PPM1L: variants seen among roughly 807,000 people sequenced by gnomAD.
The protein encoded by PPM1L is protein phosphatase, Mg2+/Mn2+ dependent 1L.
PPM1L carries 13 observed loss-of-function variants against 31.4 expected under a neutral mutation model. That is an observed-to-expected ratio of 0.41 (90% CI 0.27 to 0.66). PPM1L has a LOEUF of 0.66. PPM1L is among the 30% of genes least tolerant of loss of function. The pLI is 0.29. For missense variants in PPM1L, 326 were observed against 453.7 expected (o/e 0.72, Z 2.56); for synonymous variants, 184 against 175.4 (o/e 1.05, Z -0.39).
chr3:160,824,157 A>T (rs1713287944), intron 1 of PPM1L, among the ~76,000 whole-genome samples: 1 of 152,086 alleles, frequency 6.6e-6, no homozygotes, highest in Non-Finnish European at 1.5e-5. Flanking sequence ...TGGAACTGTC[A>T]TGAATGGGAT....
chr3:160,991,270 T>A (rs1345435110), intron 2 of PPM1L, among the ~76,000 whole-genome samples: 1 of 152,192 alleles, frequency 6.6e-6, no homozygotes, highest in Non-Finnish European at 1.5e-5. Flanking sequence ...CCATTTTGAA[T>A]GTTTTTGGTT....
intron 2 of PPM1L, among the ~76,000 whole-genome samples, chr3:161,031,801 G>A (rs973510297): frequency 3.9e-5 from 6 of 151,964 alleles, no homozygotes; most frequent in Non-Finnish European, 7.4e-5. Flanking sequence ...CACACCAGAC[G>A]ATTCTCTATA....
At chr3:161,045,936 C>G (rs867262764) in intron 2 of PPM1L, among the ~76,000 whole-genome samples, 6 of 151,234 alleles carry the variant, frequency 4.0e-5, no homozygotes, top group African/African-American at 1.2e-4. Flanking sequence ...ACAGTGAAAC[C>G]GTTTCTCTAT....
At chr3:161,040,888 G>A (rs753446249) in intron 2 of PPM1L, among the ~76,000 whole-genome samples, 4 of 152,102 alleles carry the variant, frequency 2.6e-5, no homozygotes, top group African/African-American at 4.8e-5. Flanking sequence ...TTTATTTGCC[G>A]TATCTTGAAA....
At chr3:160,823,137 GA>G (rs1437577466) in intron 1 of PPM1L, among the ~76,000 whole-genome samples, 1 of 151,994 alleles carries the variant, frequency 6.6e-6, no homozygotes, top group African/African-American at 2.4e-5. Flanking sequence ...TGGACTCCTG[GA>G]AGGTTGCCAG....
At chr3:160,898,663 G>A (rs916019830) in intron 1 of PPM1L, among the ~76,000 whole-genome samples, 11 of 152,172 alleles carry the variant, frequency 7.2e-5, no homozygotes, top group African/African-American at 1.7e-4. Flanking sequence ...AGGGGACCAG[G>A]TGAACCAAGT....
intron 1 of PPM1L, among the ~76,000 whole-genome samples, chr3:160,782,720 G>C (rs1014093444): frequency 2.0e-5 from 3 of 152,138 alleles, no homozygotes; most frequent in African/African-American, 7.2e-5. Flanking sequence ...AGTGATATAT[G>C]CTAGTTGAAA....
chr3:160,942,321 C>T (rs1304833657), intron 1 of PPM1L, among the ~76,000 whole-genome samples: 1 of 152,020 alleles, frequency 6.6e-6, no homozygotes, highest in East Asian at 1.9e-4. Context: ...TTTCAAACTC[C>T]CTGACTCAAG....
chr3:160,842,337 G>T (rs1404682522), intron 1 of PPM1L: 2 of 700,848 alleles, frequency 2.9e-6, no homozygotes, highest in South Asian at 1.5e-5. Context: ...ATGATGGGGG[G>T]TAATGAATAA....
chr3:160,995,414 G>A (rs374781347), intron 2 of PPM1L, among the ~76,000 whole-genome samples: 5 of 152,106 alleles, frequency 3.3e-5, no homozygotes, highest in Non-Finnish European at 7.4e-5. Context: ...TCCACCTCCC[G>A]GGTTCAAGTG....
chr3:161,028,173 G>T (rs1718463792), intron 2 of PPM1L, among the ~76,000 whole-genome samples: 2 of 152,110 alleles, frequency 1.3e-5, no homozygotes, highest in Non-Finnish European at 2.9e-5. Flanking sequence ...GATTTGCTAT[G>T]GTCATGGAGT....
chr3:160,992,419 G>C (rs1354087691), intron 2 of PPM1L, among the ~76,000 whole-genome samples: 1 of 152,000 alleles, frequency 6.6e-6, no homozygotes, highest in African/African-American at 2.4e-5. Flanking sequence ...TCAAAATTAG[G>C]GCCCAAGACA....
chr3:160,819,747 C>A (rs576734822), intron 1 of PPM1L, among the ~76,000 whole-genome samples: 6 of 151,870 alleles, frequency 4.0e-5, no homozygotes, highest in Non-Finnish European at 8.8e-5. Context: ...TATCTGCTAG[C>A]ATGGATAGAG....
intron 1 of PPM1L, among the ~76,000 whole-genome samples, chr3:160,917,235 G>T (rs1289637669): frequency 6.6e-6 from 1 of 152,152 alleles, no homozygotes; most frequent in Non-Finnish European, 1.5e-5. Flanking sequence ...GACAAATTTG[G>T]TCTCATAATT....
chr3:160,784,759 C>T (rs865972260), intron 1 of PPM1L, among the ~76,000 whole-genome samples: 6 of 152,232 alleles, frequency 3.9e-5, no homozygotes, highest in Middle Eastern at 3.4e-3. Context: ...TTATTATGCT[C>T]CATAAGCACT....
chr3:160,913,717 G>C (rs568092517), intron 1 of PPM1L, among the ~76,000 whole-genome samples: 1 of 152,138 alleles, frequency 6.6e-6, no homozygotes, highest in African/African-American at 2.4e-5. Flanking sequence ...CATCCATGTC[G>C]TTTTATATGT....
intron 2 of PPM1L, among the ~76,000 whole-genome samples, chr3:161,049,008 A>G (rs1719178442): frequency 6.6e-6 from 1 of 152,050 alleles, no homozygotes; most frequent in African/African-American, 2.4e-5. Flanking sequence ...GCAGCGCACC[A>G]ACATGGCACA....
chr3:160,908,663 G>A (rs576540492), intron 1 of PPM1L, among the ~76,000 whole-genome samples: 5 of 152,238 alleles, frequency 3.3e-5, no homozygotes, highest in African/African-American at 4.8e-5. Flanking sequence ...TAGTGTAGGC[G>A]TATGGTGATT....
chr3:161,058,960 A>C (rs1202449231), intron 2 of PPM1L, among the ~76,000 whole-genome samples: 1 of 152,194 alleles, frequency 6.6e-6, no homozygotes, highest in African/African-American at 2.4e-5. Context: ...AGTTAAGCTT[A>C]GAATAACTTT....
Sources: allele counts gnomAD v4.1 joint callset (sites outside exome capture counted in the v4.1 genomes callset), GRCh38; gene constraint gnomAD v4.1.1; transcripts MANE v1.5; gene names NCBI Gene and HGNC (gene_info 2026-07-23, HGNC 2026-07-21).